Variants in ARHGAP26 observed in about 807,000 individuals in gnomAD.
ARHGAP26 encodes the protein rho GTPase-activating protein 26.
In ARHGAP26, 38 loss-of-function variants were observed where a neutral mutation model predicts 104.8. The observed-to-expected ratio is 0.36, with a 90% CI of 0.28 to 0.48. The LOEUF is 0.48. ARHGAP26 is among the 20% of genes least tolerant of loss of function. The probability of loss-of-function intolerance (pLI) is 0.99; values close to 1 mark genes in which losing one functional copy is unlikely to be tolerated. For missense variants in ARHGAP26, 704 were observed against 947.9 expected, an observed-to-expected ratio of 0.74 and a Z score of 3.38; for synonymous variants, 341 against 340.0, an observed-to-expected ratio of 1.00 and a Z score of -0.03.
intron 12 of ARHGAP26, among the ~76,000 whole-genome samples, chr5:143,023,501 A>G (rs907419049): frequency 6.6e-6 from 1 of 152,228 alleles, no homozygotes; most frequent in Admixed American, 6.5e-5. Context: ...TCATGAAAGC[A>G]GCAGAGGGCA....
chr5:143,180,015 C>T (rs1228834864), intron 20 of ARHGAP26, among the ~76,000 whole-genome samples: 2 of 152,276 alleles, frequency 1.3e-5, no homozygotes, highest in East Asian at 3.9e-4. Flanking sequence ...TTGGTGGCAC[C>T]ACACTCTTGA....
chr5:142,821,906 A>T (rs1766272575), intron 1 of ARHGAP26, among the ~76,000 whole-genome samples: 1 of 152,134 alleles, frequency 6.6e-6, no homozygotes, highest in South Asian at 2.1e-4. Context: ...AGATAAAGGA[A>T]TTTTTGTCCT....
intron 1 of ARHGAP26, among the ~76,000 whole-genome samples, chr5:142,801,841 A>C (rs1762127308): frequency 6.6e-6 from 1 of 152,198 alleles, no homozygotes; most frequent in African/African-American, 2.4e-5. Context: ...TTGCATTTTT[A>C]AAAAATGACT....
At chr5:143,121,555 A>G (rs1204329448) in intron 18 of ARHGAP26, among the ~76,000 whole-genome samples, 1 of 152,152 alleles carries the variant, frequency 6.6e-6, no homozygotes, top group Non-Finnish European at 1.5e-5. Flanking sequence ...TGAGTTTTTT[A>G]AATTTTAGGG....
At chr5:143,106,693 G>A (rs1039172351) in intron 17 of ARHGAP26, among the ~76,000 whole-genome samples, 7 of 151,924 alleles carry the variant, frequency 4.6e-5, no homozygotes, top group African/African-American at 1.2e-4. Flanking sequence ...GGCTGCTCTC[G>A]AACTCCTGAC....
At chr5:142,872,879 G>C (rs1251524276) in intron 1 of ARHGAP26, among the ~76,000 whole-genome samples, 2 of 152,184 alleles carry the variant, frequency 1.3e-5, no homozygotes, top group East Asian at 3.9e-4. Flanking sequence ...AGAAGAGGAA[G>C]GCCAGGTGCT....
intron 5 of ARHGAP26, among the ~76,000 whole-genome samples, chr5:142,892,699 T>G (rs1390189759): frequency 6.7e-6 from 1 of 149,874 alleles, no homozygotes; most frequent in East Asian, 1.9e-4. Context: ...TATTGATATG[T>G]AATAATCATA....
intron 1 of ARHGAP26, among the ~76,000 whole-genome samples, chr5:142,828,183 A>G (rs1029004789): frequency 6.6e-6 from 1 of 152,222 alleles, no homozygotes; most frequent in African/African-American, 2.4e-5. Context: ...TGTATGAAAT[A>G]ACAACAATAC....
Position 143,205,402 on chromosome 5 carries a change from G to A in ARHGAP26, c.1989-1796G>A, listed in dbSNP as rs1379760221. Among the ~76,000 whole-genome samples, 12 of 152,056 alleles carry A rather than the reference G, an allele frequency of 7.9e-5. No individual in the cohort carries two copies. In the East Asian group the frequency reaches 1.3e-3, roughly 17 times the overall value. On this transcript the variant is annotated intron_variant, in intron 20 of 22. Transcript: ENST00000645722. ...TGAATGCCATCTGCTATATGAATCC[G>A]CCAGACCGAACACTGGAGGCAGGAT...
intron 20 of ARHGAP26, among the ~76,000 whole-genome samples, chr5:143,174,330 A>G (rs1803185993): frequency 6.6e-6 from 1 of 152,234 alleles, no homozygotes; most frequent in African/African-American, 2.4e-5. Context: ...GATACTGTTA[A>G]GGAAAACAGT....
intron 11 of ARHGAP26, among the ~76,000 whole-genome samples, chr5:142,963,188 A>ATATATATATATACACATATATATATATG (rs1562164689): frequency 3.6e-5 from 4 of 109,782 alleles, no homozygotes; most frequent in Admixed American, 1.6e-4. Context: ...ATATATATAT[A>ATATATATATATACACATATATATATATG]TATATATATA....
In ARHGAP26 at chr5:143,101,721, C is replaced by A. The variant is rs3776316; in HGVS notation, c.1539-19267C>A. Reference sequence around the variant, plus strand: ...CTTCCTACCTCCCTCTCTCTGGGAACTGGATTAATTTTTTTGTCATTGCTT... The same window carrying A: ...CTTCCTACCTCCCTCTCTCTGGGAAATGGATTAATTTTTTTGTCATTGCTT... On this transcript the variant is annotated intron_variant, in intron 17 of 22. Coordinates refer to ENST00000645722, the MANE Select transcript of ARHGAP26 (RefSeq NM_001135608.3). 5.7e-3 allele frequency among the ~76,000 whole-genome samples: 866 copies of A among 151,746 alleles called. 24 individuals are homozygous for A. The East Asian group carries it at 0.077, about 13-fold the overall frequency.
intron 20 of ARHGAP26, among the ~76,000 whole-genome samples, chr5:143,153,387 A>G (rs1471208751): frequency 6.6e-6 from 1 of 152,182 alleles, no homozygotes; most frequent in Non-Finnish European, 1.5e-5. Flanking sequence ...TCCACCTCCA[A>G]GGATGAGGGT....
chr5:143,211,862 T>C (rs77632858), intron 21 of ARHGAP26, among the ~76,000 whole-genome samples: 4 of 152,186 alleles, frequency 2.6e-5, no homozygotes, highest in African/African-American at 9.7e-5. Context: ...GTTTGTTATT[T>C]TTTAACGTAC....
At chr5:142,930,115 C>CAGGA (rs1272402018) in intron 10 of ARHGAP26, among the ~76,000 whole-genome samples, 1 of 152,156 alleles carries the variant, frequency 6.6e-6, no homozygotes, top group African/African-American at 2.4e-5. Context: ...GCAGGTGGTA[C>CAGGA]AGGAGCAGCA....
At chr5:142,825,400 C>T (rs1236404489) in intron 1 of ARHGAP26, among the ~76,000 whole-genome samples, 3 of 152,108 alleles carry the variant, frequency 2.0e-5, no homozygotes, top group Non-Finnish European at 4.4e-5. Context: ...GTTCTTGGTG[C>T]CCTTCCTGCT....
Position 143,222,532 on chromosome 5 carries a change from C to A in ARHGAP26, c.*86C>A. On this transcript the variant is annotated 3_prime_UTR_variant, in exon 23 of 23. Coordinates refer to ENST00000645722, the MANE Select transcript of ARHGAP26 (RefSeq NM_001135608.3). ...GTGTCGAGGCCATTTCTCTTTGCCA[C>A]TGAGAAATGCAGCGTGACTGACTCT... 2 of 1,094,672 alleles carry A rather than the reference C, an allele frequency of 1.8e-6. No homozygotes were observed. The highest frequency in any genetic ancestry group is 2.6e-6 in the Non-Finnish European group (2 of 777,692). 67.8% of individuals were successfully genotyped at this position (1,094,672 alleles called of 1,614,324 possible). A position where few individuals can be genotyped will look rare whatever the true frequency, so the allele number is the denominator to read the frequency against.
In ARHGAP26 at chr5:142,801,773, G is replaced by A. The variant is rs185611494; in HGVS notation, c.154+30858G>A. On this transcript the variant is annotated intron_variant, in intron 1 of 22. Transcript: ENST00000645722. ...TGTTTTCCTTGCAAGGAATAGGGAC[G>A]AAAGTACCTTGTCTTAAACTTTTGT... is the stretch of plus-strand genomic sequence containing the variant. 4.6e-5 allele frequency among the ~76,000 whole-genome samples: 7 copies of A among 152,212 alleles called. No individual in the cohort carries two copies. In the East Asian group the frequency reaches 1.4e-3, roughly 29 times the overall value.
intron 1 of ARHGAP26, among the ~76,000 whole-genome samples, chr5:142,832,377 G>A (rs1768636931): frequency 6.7e-6 from 1 of 150,282 alleles, no homozygotes; most frequent in Admixed American, 6.6e-5. Context: ...CCGAGAGCAG[G>A]CTCTCTCTCT....
Sources: allele counts gnomAD v4.1 joint callset (sites outside exome capture counted in the v4.1 genomes callset), GRCh38; gene constraint gnomAD v4.1.1; transcripts MANE v1.5; gene names NCBI Gene and HGNC (gene_info 2026-07-23, HGNC 2026-07-21).